GEMIN2: variants seen among roughly 807,000 people sequenced by gnomAD.
The protein encoded by GEMIN2 is gem nuclear organelle associated protein 2, also known as gem-associated protein 2.
In GEMIN2, 37 loss-of-function variants were observed where a neutral mutation model predicts 45.8. The observed-to-expected ratio is 0.81, with a 90% CI of 0.62 to 1.06. GEMIN2 has a LOEUF of 1.06. GEMIN2 is among the 50% of genes least tolerant of loss of function. GEMIN2 has a pLI of 0.00. For missense variants in GEMIN2, 335 were observed against 321.8 expected (o/e 1.04, Z -0.31); for synonymous variants, 101 against 111.5 (o/e 0.91, Z 0.60).
chr14:39,125,981 T>C (rs1165907005), intron 6 of GEMIN2, among the ~76,000 whole-genome samples: 2 of 151,200 alleles, frequency 1.3e-5, no homozygotes, highest in South Asian at 2.1e-4. Flanking sequence ...GATCGTGCCA[T>C]TGCACTCCAG....
intron 2 of GEMIN2, among the ~76,000 whole-genome samples, chr14:39,115,668 T>C (rs1355402921): frequency 6.6e-6 from 1 of 151,742 alleles, no homozygotes; most frequent in Non-Finnish European, 1.5e-5. Flanking sequence ...TGTTGTCCAG[T>C]CTGGTCTTGA....
chr14:39,136,512 C>T lies in GEMIN2; in HGVS notation c.*33C>T. Reference sequence around the variant, plus strand: ...GATCTCTCAGGGATAGAAGATATTTCTCATGAAGGCAGCCTAACTCTGAGG... The same window carrying T: ...GATCTCTCAGGGATAGAAGATATTTTTCATGAAGGCAGCCTAACTCTGAGG... On this transcript the variant is annotated 3_prime_UTR_variant, in exon 10 of 10. Coordinates refer to ENST00000308317, the MANE Select transcript of GEMIN2 (RefSeq NM_003616.3). 6.4e-7 allele frequency: 1 copy of T among 1,561,348 alleles called. No individual in the cohort carries two copies. Among genetic ancestry groups the T allele is most frequent in the East Asian group, 2.2e-5 (1 of 44,588 alleles).
chr14:39,114,858 T>A lies in GEMIN2; in HGVS notation c.167T>A (p.Val56Glu). Residue 56 changes from valine to glutamate, a missense_variant, in exon 2 of 10, where the codon GTG (valine) becomes GAG (glutamate). Val to Glu is a moderately radical substitution (Grantham distance 121, BLOSUM62 -2). Transcript: ENST00000308317. ...GAAGCAGCTCAATGTCCAGATGTTGTGGTAGCTCAAATTGACCCAAAGAAG... is the reference window on the plus strand; with the variant it reads ...GAAGCAGCTCAATGTCCAGATGTTGAGGTAGCTCAAATTGACCCAAAGAAG... ...QIEAAQCPDV[V>E]VAQIDPKKLK... is the part of the protein sequence containing the mutation. The A allele has an allele frequency of 6.3e-7, 1 of 1,575,232 alleles. No homozygotes were observed. Among genetic ancestry groups the A allele is most frequent in the Non-Finnish European group, 8.7e-7 (1 of 1,144,466 alleles).
chr14:39,118,552 C>A lies in GEMIN2; in HGVS notation c.325C>A (p.His109Asn). 3 of 1,473,808 alleles carry A rather than the reference C, an allele frequency of 2.0e-6. No individual in the cohort carries two copies. The highest frequency in any genetic ancestry group is 2.8e-6 in the Non-Finnish European group (3 of 1,053,016). 91.3% of individuals were successfully genotyped at this position (1,473,808 alleles called of 1,614,324 possible). A position where few individuals can be genotyped will look rare whatever the true frequency, so the allele number is the denominator to read the frequency against. ...TTTCTTCCTTTAGAATGTGAACAAA[C>A]ATAGAAGTCACTGGAAATCACAACA... ...FSTVRQNVNK[H>N]RSHWKSQQLD... is the part of the protein sequence containing the mutation. Residue 109 changes from histidine to asparagine, a missense_variant, in exon 4 of 10, where the codon CAT becomes AAT. Coordinates refer to ENST00000308317, the MANE Select transcript of GEMIN2 (RefSeq NM_003616.3).
chr14:39,114,355 C>G lies in GEMIN2; in HGVS notation c.17C>G (p.Ala6Gly), dbSNP rs777626419. ...TTGAAAACCATGGCGTGGGTACCAG[C>G]GGAGTCCGCAGTGGAAGAGTTGATG... MAWVP[A>G]ESAVEELMPR... is the part of the protein sequence containing the mutation. Residue 6 changes from alanine (A) to glycine (G), a missense_variant, in exon 1 of 10, where the codon GCG becomes GGG. Physicochemically the swap from Ala to Gly is moderately conservative, Grantham distance 60. Transcript: ENST00000308317. 2.0e-5 allele frequency: 33 copies of G among 1,613,720 alleles called. No homozygotes were observed. Among genetic ancestry groups the G allele is most frequent in the Non-Finnish European group, 2.8e-5 (33 of 1,179,658 alleles).
At chr14:39,127,925 G>A (rs908192895) in intron 6 of GEMIN2, among the ~76,000 whole-genome samples, 42 of 151,912 alleles carry the variant, frequency 2.8e-4, no homozygotes, top group Admixed American at 9.2e-4. Context: ...AAAATTAGCC[G>A]GACGTGGTGG....
At chr14:39,127,961 A>G (rs936745176) in intron 6 of GEMIN2, among the ~76,000 whole-genome samples, 5 of 148,336 alleles carry the variant, frequency 3.4e-5, no homozygotes, top group African/African-American at 1.2e-4. Context: ...TCAGCTACTC[A>G]GGGGGCTGAG....
intron 4 of GEMIN2, 30 bp downstream of exon 4, chr14:39,118,629 C>T: frequency 1.1e-6 from 1 of 929,734 alleles, no homozygotes; most frequent in South Asian, 1.4e-5. Flanking sequence ...TTAAGATGTA[C>T]AATGTATACC....
chr14:39,114,433 C>T lies in GEMIN2; in HGVS notation c.95C>T (p.Ser32Leu), dbSNP rs765788017. ...GACTTGACGGAAGGTTTCGATCCCT[C>T]GGTACCCCCGAGGACGCCTCAGGAA... The part of the protein sequence containing the change: ...PCDLTEGFDP[S>L]VPPRTPQEYL... Residue 32 changes from serine to leucine, a missense_variant, in exon 1 of 10, where the codon TCG becomes TTG. Ser to Leu is a moderately radical substitution (Grantham distance 145, BLOSUM62 -2). Coordinates refer to ENST00000308317, the MANE Select transcript of GEMIN2 (RefSeq NM_003616.3). 74 of 1,613,810 alleles carry T rather than the reference C, an allele frequency of 4.6e-5. No individual in the cohort carries two copies. The highest frequency in any genetic ancestry group is 1.6e-4 in the Middle Eastern group (1 of 6,080).
In GEMIN2 at chr14:39,132,037, C is replaced by A; in HGVS notation, c.680C>A (p.Ala227Glu). 6.3e-7 allele frequency: 1 copy of A among 1,587,612 alleles called. No homozygotes were observed. Among genetic ancestry groups the A allele is most frequent in the Non-Finnish European group, 8.6e-7 (1 of 1,156,220 alleles). Residue 227 changes from alanine to glutamate, a missense_variant, in exon 8 of 10, where the codon GCA (alanine) becomes GAA (glutamate). By Grantham distance (107) the Ala-to-Glu change is moderately radical. Transcript: ENST00000308317. ...PEAHSLIRQLARRCSEVRLLV... is the reference protein window; with the variant it reads ...PEAHSLIRQLERRCSEVRLLV... ...GCTCATTCACTGATTCGGCAGCTTG[C>A]AAGAAGGTGCTCTGAAGTGAGGCTC...
At chr14:39,130,954 TA>T (rs1407602675) in intron 7 of GEMIN2, among the ~76,000 whole-genome samples, 1 of 151,060 alleles carries the variant, frequency 6.6e-6, no homozygotes, top group African/African-American at 2.4e-5. Context: ...GTATTATAAA[TA>T]AAAAAGATGG....
At chr14:39,124,892 G>C in intron 5 of GEMIN2, 100 bp from the exon 6 acceptor site, 2 of 655,928 alleles carry the variant, frequency 3.0e-6, no homozygotes, top group African/African-American at 1.8e-5. Flanking sequence ...TTTGTTCTTT[G>C]TTTCTAAACA....
At chr14:39,127,823 AC>A (rs1249862462) in intron 6 of GEMIN2, among the ~76,000 whole-genome samples, 1 of 152,078 alleles carries the variant, frequency 6.6e-6, no homozygotes, top group Non-Finnish European at 1.5e-5. Context: ...TGATCGCAGC[AC>A]TTTGGGAGGC....
intron 2 of GEMIN2, among the ~76,000 whole-genome samples, chr14:39,117,110 TA>T (rs1039862232): frequency 1.8e-4 from 28 of 151,940 alleles, no homozygotes; most frequent in African/African-American, 6.8e-4. Flanking sequence ...CCATCTCTAC[TA>T]AAAATACAAA....
chr14:39,124,027 T>C (rs941785301), intron 5 of GEMIN2, among the ~76,000 whole-genome samples: 1 of 152,028 alleles, frequency 6.6e-6, no homozygotes, highest in Non-Finnish European at 1.5e-5. Context: ...AGGCATGAGC[T>C]ATCATGGCTA....
rs762722515 is a variant in GEMIN2, at chr14:39,136,468, G to GAGCCATCTTGATGTAGCTGATC, written c.800_*11dup. On this transcript the variant is annotated stop_gained and frameshift_variant, in exon 10 of 10. Transcript: ENST00000308317. LOFTEE classifies it high-confidence loss of function. ...TTTTGACCAACGTGATTTAGCTGAT[G>GAGCCATCTTGATGTAGCTGATC]AGCCATCTTGATGTAGCTGATCTCT... The GAGCCATCTTGATGTAGCTGATC allele has an allele frequency of 3.1e-6, 5 of 1,587,812 alleles. No homozygotes were observed. The highest frequency in any genetic ancestry group is 3.5e-6 in the Non-Finnish European group (4 of 1,157,888).
intron 6 of GEMIN2, among the ~76,000 whole-genome samples, chr14:39,126,988 C>G (rs1220737561): frequency 1.3e-5 from 2 of 151,970 alleles, no homozygotes; most frequent in Non-Finnish European, 2.9e-5. Context: ...TGGTCTTTGT[C>G]TCCCGACCTT....
At chr14:39,119,387 T>C (rs2052550208) in intron 4 of GEMIN2, among the ~76,000 whole-genome samples, 1 of 152,210 alleles carries the variant, frequency 6.6e-6, no homozygotes, top group Non-Finnish European at 1.5e-5. Flanking sequence ...ATGTCCTATA[T>C]TTTATCAGTT....
Position 39,128,286 on chromosome 14 carries a change from G to C in GEMIN2, c.538G>C (p.Val180Leu), listed in dbSNP as rs1456591547. Residue 180 changes from valine to leucine, a missense_variant, in exon 7 of 10, where the codon GTA becomes CTA. Physicochemically the swap from Val to Leu is conservative, Grantham distance 32. Coordinates refer to ENST00000308317, the MANE Select transcript of GEMIN2 (RefSeq NM_003616.3). ...CCCCTCTTTTTTTTTTTAGGCAACA[G>C]TAACTAGTGTCTTGGAATATCTGAG... is the stretch of plus-strand genomic sequence containing the variant. ...SIVSRMNQAT[V>L]TSVLEYLSNW... 4 of 1,535,536 alleles carry C rather than the reference G, an allele frequency of 2.6e-6. No homozygotes were observed. The highest frequency in any genetic ancestry group is 3.6e-6 in the Non-Finnish European group (4 of 1,121,602).
Sources: gnomAD v4.1 joint callset for allele counts (sites outside exome capture counted in the v4.1 genomes callset) on GRCh38, gnomAD v4.1.1 for gene constraint, MANE v1.5 for transcripts, NCBI Gene and HGNC (gene_info 2026-07-23, HGNC 2026-07-21) for gene names.